Variants in MDGA2 observed in about 807,000 individuals in gnomAD.
MDGA2 encodes MAM domain containing glycosylphosphatidylinositol anchor 2.
MDGA2 carries 40 observed loss-of-function variants against 117.8 expected under a neutral mutation model. The observed-to-expected ratio is 0.34, with a 90% CI of 0.26 to 0.44. MDGA2 has a LOEUF of 0.44. Ranked by LOEUF, MDGA2 falls within the 20% of genes least tolerant of loss-of-function variation. The pLI, the probability that MDGA2 is intolerant of heterozygous loss-of-function variation, is 1.00. For missense variants in MDGA2, 1,123 were observed against 1,250.6 expected (o/e 0.90, Z 1.54); for synonymous variants, 452 against 439.0 (o/e 1.03, Z -0.37).
intron 3 of MDGA2, among the ~76,000 whole-genome samples, chr14:47,193,322 T>C (rs1320490808): frequency 6.6e-6 from 1 of 152,214 alleles, no homozygotes; most frequent in African/African-American, 2.4e-5. Flanking sequence ...CATTGTATGG[T>C]AGGTACCATA....
intron 1 of MDGA2, among the ~76,000 whole-genome samples, chr14:47,589,092 C>T (rs1896387998): frequency 6.6e-6 from 1 of 151,922 alleles, no homozygotes; most frequent in Non-Finnish European, 1.5e-5. Context: ...GTTGAGATCC[C>T]TAACTTAATC....
chr14:47,490,586 C>T (rs982209009), intron 1 of MDGA2, among the ~76,000 whole-genome samples: 1 of 151,884 alleles, frequency 6.6e-6, no homozygotes, highest in Non-Finnish European at 1.5e-5. Flanking sequence ...CTTTCACAAT[C>T]GTATACATAT....
intron 10 of MDGA2, among the ~76,000 whole-genome samples, chr14:46,915,682 A>C (rs1883870111): frequency 6.6e-6 from 1 of 152,172 alleles, no homozygotes; most frequent in Non-Finnish European, 1.5e-5. Context: ...GTCCCTCCCA[A>C]GGCAGGGTCA....
chr14:46,917,332 T>C (rs190283848), intron 10 of MDGA2, among the ~76,000 whole-genome samples: 1 of 152,258 alleles, frequency 6.6e-6, no homozygotes, highest in East Asian at 1.9e-4. Context: ...GACAGATGAG[T>C]ATAAGAATTG....
chr14:47,051,516 T>C (rs182492287), intron 7 of MDGA2, among the ~76,000 whole-genome samples: 11 of 151,982 alleles, frequency 7.2e-5, no homozygotes, highest in Admixed American at 2.0e-4. Context: ...CAAAAGATTA[T>C]GAAAATTAGG....
intron 1 of MDGA2, among the ~76,000 whole-genome samples, chr14:47,604,109 A>C (rs571323503): frequency 6.6e-6 from 1 of 152,162 alleles, no homozygotes; most frequent in African/African-American, 2.4e-5. Flanking sequence ...ACTTTATAGC[A>C]ATATGAAAAC....
intron 1 of MDGA2, among the ~76,000 whole-genome samples, chr14:47,577,665 G>T (rs1896140646): frequency 6.6e-6 from 1 of 152,178 alleles, no homozygotes; most frequent in Non-Finnish European, 1.5e-5. Context: ...CATTTATGCA[G>T]CCAACAAACA....
intron 10 of MDGA2, among the ~76,000 whole-genome samples, chr14:46,916,502 C>T (rs542161425): frequency 6.6e-5 from 10 of 151,936 alleles, no homozygotes; most frequent in East Asian, 5.8e-4. Context: ...AGAACTACAT[C>T]GATTTTATTG....
At chr14:47,153,154 G>A (rs563800823) in intron 3 of MDGA2, among the ~76,000 whole-genome samples, 6 of 152,270 alleles carry the variant, frequency 3.9e-5, no homozygotes, top group South Asian at 2.1e-4. Context: ...CCAGGCTTTC[G>A]CTTTAGAAAG....
chr14:47,484,979 T>A (rs553194763), intron 1 of MDGA2, among the ~76,000 whole-genome samples: 3 of 152,096 alleles, frequency 2.0e-5, no homozygotes, highest in African/African-American at 7.2e-5. Context: ...ATCAGCAGCA[T>A]GAAAACAGAC....
At chr14:46,934,198 G>A (rs1884695899) in intron 9 of MDGA2, among the ~76,000 whole-genome samples, 1 of 151,822 alleles carries the variant, frequency 6.6e-6, no homozygotes, top group African/African-American at 2.4e-5. Context: ...GTCTATTATA[G>A]AGATTTCCAA....
At chr14:47,656,236 G>C (rs889963315) in intron 1 of MDGA2, among the ~76,000 whole-genome samples, 7 of 152,178 alleles carry the variant, frequency 4.6e-5, no homozygotes, top group Non-Finnish European at 1.0e-4. Flanking sequence ...CAAGTAGACA[G>C]AGAAAGCCCA....
In MDGA2 at chr14:47,598,136, A is replaced by G. The variant is rs187046314; in HGVS notation, c.280+76381T>C. On this transcript the variant is annotated intron_variant, in intron 1 of 16. Coordinates refer to ENST00000399232, the MANE Select transcript of MDGA2 (RefSeq NM_001113498.3). ...GCTAGGACTTCACAAATTCACACCT[A>G]TTATGAAGGTTATCATTTTAAAAAG... is the stretch of plus-strand genomic sequence containing the variant. Among the ~76,000 whole-genome samples, 290 of 152,308 alleles carry G rather than the reference A, an allele frequency of 1.9e-3. 1 individual carries two copies. The highest frequency in any genetic ancestry group is 6.7e-3 in the African/African-American group (277 of 41,576).
At chr14:46,870,939 A>G (rs72676651) in intron 14 of MDGA2, 1 of 151,872 alleles carries the variant, frequency 6.6e-6, no homozygotes, top group Non-Finnish European at 1.5e-5. Flanking sequence ...AATTCAGAAT[A>G]TTGGTCTTGG....
chr14:47,596,178 A>G (rs916033878), intron 1 of MDGA2, among the ~76,000 whole-genome samples: 1 of 152,230 alleles, frequency 6.6e-6, no homozygotes, highest in African/African-American at 2.4e-5. Context: ...ACTTAAAATA[A>G]GTGCATTTTA....
chr14:46,874,408 AAT>A (rs1384963776), intron 12 of MDGA2, among the ~76,000 whole-genome samples: 2 of 151,922 alleles, frequency 1.3e-5, no homozygotes, highest in Non-Finnish European at 2.9e-5. Context: ...CATGTAAATT[AAT>A]ATCTTATTGA....
intron 3 of MDGA2, among the ~76,000 whole-genome samples, chr14:47,193,766 C>T (rs149858613): frequency 1.7e-4 from 26 of 152,242 alleles, no homozygotes; most frequent in African/African-American, 6.0e-4. Context: ...CTCCTTTCTT[C>T]GGGTGCTTTT....
At chr14:47,295,614 G>A (rs1889037955) in intron 2 of MDGA2, among the ~76,000 whole-genome samples, 1 of 152,104 alleles carries the variant, frequency 6.6e-6, no homozygotes, top group Non-Finnish European at 1.5e-5. Context: ...ATATCAAAAT[G>A]TATTATAGGC....
chr14:46,927,773 CACA>C (rs914612418), intron 9 of MDGA2, among the ~76,000 whole-genome samples: 10 of 152,232 alleles, frequency 6.6e-5, no homozygotes, highest in East Asian at 3.9e-4. Context: ...TAGTCATTAT[CACA>C]ACATTATTTT....
Sources: gnomAD v4.1 joint callset for allele counts (sites outside exome capture counted in the v4.1 genomes callset) on GRCh38, gnomAD v4.1.1 for gene constraint, MANE v1.5 for transcripts, NCBI Gene and HGNC (gene_info 2026-07-23, HGNC 2026-07-21) for gene names.